PHLPP1: variants seen among roughly 807,000 people sequenced by gnomAD.
PHLPP1 encodes the protein PH domain leucine-rich repeat-containing protein phosphatase 1.
Under a neutral mutation model 117.2 loss-of-function variants are expected in PHLPP1, and 42 were observed. The observed-to-expected ratio is 0.36, with a 90% confidence interval of 0.28 to 0.46. PHLPP1 has a LOEUF of 0.46. PHLPP1 is among the 20% of genes least tolerant of loss of function. The pLI is 1.00. For missense variants in PHLPP1, 2,084 were observed against 2,241.9 expected (o/e 0.93, Z 1.42); for synonymous variants, 1,042 against 970.7 (o/e 1.07, Z -1.37).
chr18:62,820,146 A>G (rs986396886), intron 1 of PHLPP1, among the ~76,000 whole-genome samples: 5 of 152,220 alleles, frequency 3.3e-5, no homozygotes, highest in African/African-American at 1.2e-4. Context: ...TCAAGAAGAT[A>G]TAACAATCCT....
At chr18:62,924,044 C>T (rs1909552099) in intron 10 of PHLPP1, among the ~76,000 whole-genome samples, 1 of 152,190 alleles carries the variant, frequency 6.6e-6, no homozygotes, top group African/African-American at 2.4e-5. Flanking sequence ...AGAGTTTAAA[C>T]TAACTGCACA....
intron 10 of PHLPP1, among the ~76,000 whole-genome samples, chr18:62,933,341 A>G (rs2144442580): frequency 6.6e-6 from 1 of 152,328 alleles, no homozygotes; most frequent in African/African-American, 2.4e-5. Flanking sequence ...TAGGCATCAC[A>G]TTACCTGACT....
chr18:62,916,607 T>TGTGG (rs1909284724), intron 9 of PHLPP1, among the ~76,000 whole-genome samples: 1 of 127,960 alleles, frequency 7.8e-6, no homozygotes. Context: ...AGAGGGTGGG[T>TGTGG]GTGTGTGTGT....
chr18:62,838,690 C>T (rs1599075086), intron 2 of PHLPP1, 94 bp from the exon 3 acceptor site: 1 of 1,237,092 alleles, frequency 8.1e-7, no homozygotes, highest in East Asian at 2.3e-5. Context: ...CATGCAAATC[C>T]ATGCAGGCTC....
chr18:62,783,691 ATT>A (rs35016193), intron 1 of PHLPP1, among the ~76,000 whole-genome samples: 32,421 of 149,562 alleles, frequency 0.22, 5,130 homozygotes, highest in African/African-American at 0.45. Context: ...TTCTTGATGC[ATT>A]TTTTTTTTTT....
intron 6 of PHLPP1, 70 bp from the exon 7 acceptor site, chr18:62,902,894 C>A: frequency 1.1e-6 from 1 of 904,248 alleles, no homozygotes; most frequent in Non-Finnish European, 1.8e-6. Flanking sequence ...CGCTATTTCT[C>A]ATATTAGGGT....
intron 1 of PHLPP1, among the ~76,000 whole-genome samples, chr18:62,763,599 T>G (rs1912334956): frequency 6.6e-6 from 1 of 152,220 alleles, no homozygotes; most frequent in Admixed American, 6.5e-5. Context: ...TTCTGTCTGA[T>G]TCCTCTCAGA....
At chr18:62,929,533 T>C (rs1381629708) in intron 10 of PHLPP1, among the ~76,000 whole-genome samples, 1 of 152,104 alleles carries the variant, frequency 6.6e-6, no homozygotes, top group Non-Finnish European at 1.5e-5. Context: ...AAGAAATAAC[T>C]AGTATATTTT....
chr18:62,752,421 A>G (rs760983737), intron 1 of PHLPP1, among the ~76,000 whole-genome samples: 3 of 152,222 alleles, frequency 2.0e-5, no homozygotes, highest in Non-Finnish European at 4.4e-5. Flanking sequence ...AAAAGTAAGT[A>G]TTATTTAGGT....
At chr18:62,734,504 T>A (rs935728595) in intron 1 of PHLPP1, among the ~76,000 whole-genome samples, 5 of 152,204 alleles carry the variant, frequency 3.3e-5, no homozygotes, top group African/African-American at 1.2e-4. Flanking sequence ...TTATCTTGAG[T>A]AGATGGCAGT....
intron 1 of PHLPP1, among the ~76,000 whole-genome samples, chr18:62,778,541 T>C (rs56804950): frequency 0.019 from 2,962 of 152,336 alleles, 84 homozygotes; most frequent in African/African-American, 0.067. Flanking sequence ...CTCTGACTTA[T>C]TGTATACCGT....
intron 1 of PHLPP1, among the ~76,000 whole-genome samples, chr18:62,725,350 A>C: frequency 6.6e-6 from 1 of 150,532 alleles, no homozygotes; most frequent in East Asian, 1.9e-4. Context: ...GCAGAGCAAA[A>C]CTCAGTCTCA....
intron 4 of PHLPP1, among the ~76,000 whole-genome samples, chr18:62,894,083 G>A (rs1310597700): frequency 6.6e-6 from 1 of 152,162 alleles, no homozygotes; most frequent in Non-Finnish European, 1.5e-5. Context: ...TTGGGTTGGG[G>A]AAGAAAAGAT....
At chr18:62,735,059 T>G (rs1219728985) in intron 1 of PHLPP1, among the ~76,000 whole-genome samples, 1 of 151,924 alleles carries the variant, frequency 6.6e-6, no homozygotes, top group Admixed American at 6.6e-5. Flanking sequence ...TTTTTCTTTT[T>G]TTTGAGGCAG....
At chr18:62,763,817 C>G (rs1568107977) in intron 1 of PHLPP1, among the ~76,000 whole-genome samples, 1 of 152,042 alleles carries the variant, frequency 6.6e-6, no homozygotes, top group Non-Finnish European at 1.5e-5. Flanking sequence ...TGGGGCAGAC[C>G]TAGATTCTGT....
chr18:62,864,317 T>C (rs1252288411), intron 4 of PHLPP1, among the ~76,000 whole-genome samples: 4 of 152,190 alleles, frequency 2.6e-5, no homozygotes, highest in African/African-American at 7.2e-5. Context: ...CTACTGCACC[T>C]GGCTGCCCCT....
chr18:62,897,028 A>C (rs183542079), intron 6 of PHLPP1, among the ~76,000 whole-genome samples: 26 of 152,360 alleles, frequency 1.7e-4, no homozygotes, highest in Non-Finnish European at 2.2e-4. Context: ...CTTGCTTTCT[A>C]AATTGTTAAC....
chr18:62,951,812 ATTTT>A (rs34516044), intron 12 of PHLPP1, among the ~76,000 whole-genome samples: 3 of 101,418 alleles, frequency 3.0e-5, no homozygotes, highest in African/African-American at 4.1e-5. Context: ...CACATAATTA[ATTTT>A]TTTTTTTTTT....
chr18:62,831,447 C>T (rs941859310), intron 2 of PHLPP1, among the ~76,000 whole-genome samples: 3 of 151,736 alleles, frequency 2.0e-5, no homozygotes, highest in Non-Finnish European at 4.4e-5. Context: ...AAGTGATTCT[C>T]CTGCCTCAGC....
Sources: gnomAD v4.1 joint callset for allele counts (sites outside exome capture counted in the v4.1 genomes callset) on GRCh38, gnomAD v4.1.1 for gene constraint, MANE v1.5 for transcripts, NCBI Gene and HGNC (gene_info 2026-07-23, HGNC 2026-07-21) for gene names.